Variants in TACR3 observed in about 807,000 individuals in gnomAD.
The protein encoded by TACR3 is neuromedin-K receptor.
Under a neutral mutation model 35.0 loss-of-function variants are expected in TACR3, and 34 were observed. The ratio of observed to expected loss-of-function variants is 0.97; its 90% CI spans 0.74 to 1.30. TACR3 has a LOEUF of 1.30. TACR3 is among the 50% of genes most tolerant of loss of function. TACR3 has a pLI of 0.00. For missense variants in TACR3, 558 were observed against 591.7 expected, an observed-to-expected ratio of 0.94 and a Z score of 0.59; for synonymous variants, 233 against 221.1, an observed-to-expected ratio of 1.05 and a Z score of -0.48.
chr4:103,667,563 C>A (rs1157909830), intron 1 of TACR3, among the ~76,000 whole-genome samples: 1 of 152,090 alleles, frequency 6.6e-6, no homozygotes, highest in East Asian at 1.9e-4. Context: ...TTGATCATTA[C>A]ACATTATATG....
In TACR3 at chr4:103,663,097, C is replaced by T. The variant is rs974356; in HGVS notation, c.549-4694G>A. Among the ~76,000 whole-genome samples, 114 of 151,916 alleles carry T rather than the reference C, an allele frequency of 7.5e-4. 2 individuals are homozygous for T. The South Asian group carries it at 0.023, about 30-fold the overall frequency. On this transcript the variant is annotated intron_variant, in intron 1 of 4. Transcript: ENST00000304883. ...TAGTACAGGTTGTGGATTTTTTTTG[C>T]CAGTGGAAAGTAATTGAGGCAATTT...
At position 103,589,795 on chromosome 4, in the gene TACR3, C is replaced by T. The variant is rs773733577; in HGVS notation, c.1285G>A (p.Ala429Thr). ...DTTRSSRKKRATPRDPSFNGC... is the reference protein window; with the variant it reads ...DTTRSSRKKRTTPRDPSFNGC... The stretch of plus-strand genomic sequence containing the variant: ...TTGAAACTTGGGTCTCTTGGCGTTG[C>T]TCTTTTCTTCCGACTGGACCTGGTG... The change falls in exon 5 of 5, where the codon GCA (alanine) becomes ACA (threonine). Residue 429 changes from alanine (A) to threonine (T), a missense_variant. Ala to Thr is a moderately conservative substitution (Grantham distance 58). Transcript: ENST00000304883. The T allele has an allele frequency of 1.9e-6, 3 of 1,613,990 alleles. No homozygotes were observed. The highest frequency in any genetic ancestry group is 2.5e-6 in the Non-Finnish European group (3 of 1,179,892).
At chr4:103,662,069 T>A (rs1725845245) in intron 1 of TACR3, among the ~76,000 whole-genome samples, 1 of 151,868 alleles carries the variant, frequency 6.6e-6, no homozygotes, top group South Asian at 2.1e-4. Context: ...CTGAGAAAAA[T>A]GTATTTAGAT....
chr4:103,678,729 G>C (rs996375172), intron 1 of TACR3, among the ~76,000 whole-genome samples: 1 of 150,910 alleles, frequency 6.6e-6, no homozygotes, highest in Non-Finnish European at 1.5e-5. Context: ...AAAATGATGT[G>C]AGTCTGCTGT....
At chr4:103,713,393 G>T (rs950335266) in intron 1 of TACR3, among the ~76,000 whole-genome samples, 2 of 145,884 alleles carry the variant, frequency 1.4e-5, no homozygotes, top group South Asian at 2.2e-4. Flanking sequence ...AACAGCGCAT[G>T]TTCTCACTCA....
chr4:103,638,126 C>T (rs1303231307), intron 3 of TACR3, among the ~76,000 whole-genome samples: 25 of 152,112 alleles, frequency 1.6e-4, no homozygotes, highest in South Asian at 1.0e-3. Context: ...GAGCCCACAT[C>T]GCCAAGTCAA....
chr4:103,616,531 T>A (rs2110300840), intron 3 of TACR3, among the ~76,000 whole-genome samples: 1 of 152,278 alleles, frequency 6.6e-6, no homozygotes, highest in African/African-American at 2.4e-5. Context: ...GTAAAAACTG[T>A]TTTCAGTAGA....
intron 3 of TACR3, chr4:103,624,638 G>A (rs964290916): frequency 6.6e-6 from 1 of 151,504 alleles, no homozygotes; most frequent in African/African-American, 2.4e-5. Flanking sequence ...AAATACAAAT[G>A]AAAATAGTAT....
chr4:103,684,008 A>G (rs1275934555), intron 1 of TACR3, among the ~76,000 whole-genome samples: 1 of 152,150 alleles, frequency 6.6e-6, no homozygotes, highest in Admixed American at 6.6e-5. Context: ...TAACAGAAAA[A>G]AAATTTGATG....
intron 3 of TACR3, among the ~76,000 whole-genome samples, chr4:103,654,053 G>C (rs1476216965): frequency 7.1e-5 from 10 of 140,298 alleles, no homozygotes; most frequent in Non-Finnish European, 1.5e-4. Context: ...AACAACAGGT[G>C]CTGGAGAGGA....
At chr4:103,678,022 A>G (rs1220283032) in intron 1 of TACR3, among the ~76,000 whole-genome samples, 1 of 152,122 alleles carries the variant, frequency 6.6e-6, no homozygotes, top group Non-Finnish European at 1.5e-5. Flanking sequence ...CTGTTTCATC[A>G]AGGTAATGTA....
At chr4:103,664,994 G>A (rs1192510856) in intron 1 of TACR3, among the ~76,000 whole-genome samples, 2 of 150,192 alleles carry the variant, frequency 1.3e-5, no homozygotes, top group African/African-American at 4.9e-5. Flanking sequence ...TGTATTTCTT[G>A]TAGAGATGAG....
chr4:103,699,409 G>C (rs1438377987), intron 1 of TACR3, among the ~76,000 whole-genome samples: 2 of 152,124 alleles, frequency 1.3e-5, no homozygotes, highest in Non-Finnish European at 2.9e-5. Context: ...GGACCAGCTA[G>C]TCTAAATTCT....
chr4:103,633,552 T>C (rs1725114970), intron 3 of TACR3, among the ~76,000 whole-genome samples: 1 of 152,070 alleles, frequency 6.6e-6, no homozygotes, highest in East Asian at 1.9e-4. Flanking sequence ...GTTGTCCTGA[T>C]CCCTCAACCC....
intron 1 of TACR3, among the ~76,000 whole-genome samples, chr4:103,670,067 A>G (rs182401687): frequency 1.9e-4 from 29 of 152,086 alleles, no homozygotes; most frequent in Admixed American, 1.8e-3. Flanking sequence ...CATTTGTTAT[A>G]TGGTCATTTC....
At chr4:103,684,414 T>C (rs1287128153) in intron 1 of TACR3, among the ~76,000 whole-genome samples, 1 of 152,114 alleles carries the variant, frequency 6.6e-6, no homozygotes, top group Non-Finnish European at 1.5e-5. Context: ...TTTTTATTTA[T>C]CAGCAATGAA....
intron 3 of TACR3, among the ~76,000 whole-genome samples, chr4:103,596,465 T>A (rs1254566428): frequency 2.0e-5 from 3 of 152,064 alleles, no homozygotes; most frequent in African/African-American, 7.2e-5. Flanking sequence ...AGACGATATC[T>A]CATTGTGGTT....
At chr4:103,679,460 T>G (rs1726241724) in intron 1 of TACR3, among the ~76,000 whole-genome samples, 1 of 152,024 alleles carries the variant, frequency 6.6e-6, no homozygotes, top group Non-Finnish European at 1.5e-5. Context: ...AATAAATATT[T>G]GAAGTAGTAG....
intron 1 of TACR3, among the ~76,000 whole-genome samples, chr4:103,711,292 C>T (rs998493055): frequency 6.6e-6 from 1 of 152,162 alleles, no homozygotes; most frequent in Non-Finnish European, 1.5e-5. Flanking sequence ...AGCTTATCCA[C>T]CATGATCAAG....
Sources: gnomAD v4.1 joint callset for allele counts (sites outside exome capture counted in the v4.1 genomes callset) on GRCh38, gnomAD v4.1.1 for gene constraint, MANE v1.5 for transcripts, NCBI Gene and HGNC (gene_info 2026-07-23, HGNC 2026-07-21) for gene names.